Variants in ERICH1 observed in about 807,000 individuals in gnomAD.
ERICH1 encodes the protein glutamate rich 1, also known as glutamate-rich protein 1.
ERICH1 carries 56 observed loss-of-function variants against 39.6 expected under a neutral mutation model. That is an observed-to-expected ratio of 1.41 (90% CI 1.14 to 1.77). The LOEUF is 1.77. ERICH1 is among the 40% of genes most tolerant of loss of function. The pLI is 0.00. For missense variants in ERICH1, 826 were observed against 575.4 expected (o/e 1.44, Z -4.45); for synonymous variants, 313 against 223.6 (o/e 1.40, Z -3.57).
chr8:629,983 C>T lies in ERICH1; in HGVS notation c.977-14699G>A, dbSNP rs540616923. Among the ~76,000 whole-genome samples the T allele has an allele frequency of 6.6e-5, 9 of 137,004 alleles. No homozygotes were observed. The South Asian group carries it at 2.2e-3, about 33-fold the overall frequency. 89.9% of individuals were successfully genotyped at this position (137,004 alleles called of 152,430 possible). A position where few individuals can be genotyped will look rare whatever the true frequency, so the allele number is the denominator to read the frequency against. On this transcript the variant is annotated intron_variant, in intron 3 of 3. Transcript: ENST00000522706. Reference sequence around the variant, plus strand: ...CCTGTGACCACCCACACAGAACTGACTCACACCCTCCTGTGAGCACCCACA... The same window carrying T: ...CCTGTGACCACCCACACAGAACTGATTCACACCCTCCTGTGAGCACCCACA...
intron 1 of ERICH1, among the ~76,000 whole-genome samples, chr8:727,378 T>G (rs1819015788): frequency 6.6e-6 from 1 of 152,118 alleles, no homozygotes; most frequent in Admixed American, 6.5e-5. Flanking sequence ...GCGTGTGAAG[T>G]TGGGGCAATC....
Position 689,213 on chromosome 8 carries a change from G to C in ERICH1, c.304+3265C>G, listed in dbSNP as rs577462228. ...CACGGCCTCCGCCTCCCCAGTTCAA[G>C]CGATTCTCAGGCCTCAGCGTCTCGA... On this transcript the variant is annotated intron_variant, in intron 3 of 5. Coordinates refer to ENST00000262109, the MANE Select transcript of ERICH1 (RefSeq NM_207332.3). Among the ~76,000 whole-genome samples the C allele has an allele frequency of 3.9e-5, 6 of 152,214 alleles. 1 individual carries two copies. The highest frequency in any genetic ancestry group is 8.8e-5 in the Non-Finnish European group (6 of 68,048).
chr8:659,901 A>G (rs62486244), downstream of ERICH1, among the ~76,000 whole-genome samples: 913 of 148,964 alleles, frequency 6.1e-3, 22 homozygotes, highest in Non-Finnish European at 8.8e-3. Context: ...GGGGGTGACC[A>G]TCGAGGCTTC....
At chr8:723,702 A>G (rs1023408499) in intron 1 of ERICH1, among the ~76,000 whole-genome samples, 41 of 152,202 alleles carry the variant, frequency 2.7e-4, no homozygotes, top group Non-Finnish European at 1.0e-4. Flanking sequence ...GGGTTATTGT[A>G]TTTTCTGGAA....
chr8:642,148 C>T (rs1450325236), intron 3 of ERICH1, among the ~76,000 whole-genome samples: 1 of 152,146 alleles, frequency 6.6e-6, no homozygotes, highest in Non-Finnish European at 1.5e-5. Context: ...TCTTCACAAG[C>T]TCTGCTTGGA....
At chr8:663,665 C>G (rs999084192), downstream of ERICH1, among the ~76,000 whole-genome samples, 1 of 152,110 alleles carries the variant, frequency 6.6e-6, no homozygotes, top group Non-Finnish European at 1.5e-5. Context: ...CCTAAAATGA[C>G]TAAAATGAGC....
intron 3 of ERICH1, among the ~76,000 whole-genome samples, chr8:689,960 G>A (rs927485418): frequency 2.0e-5 from 3 of 152,054 alleles, no homozygotes; most frequent in African/African-American, 7.3e-5. Flanking sequence ...ATGTGGCTGT[G>A]TAGCATTTTC....
chr8:625,337 G>A (rs536674808), intron 3 of ERICH1, among the ~76,000 whole-genome samples: 59 of 152,294 alleles, frequency 3.9e-4, no homozygotes, highest in African/African-American at 1.3e-3. Flanking sequence ...AATAAACCCT[G>A]AAACCACGAC....
intron 3 of ERICH1, among the ~76,000 whole-genome samples, chr8:643,215 C>A (rs1799218057): frequency 6.6e-6 from 1 of 152,222 alleles, no homozygotes; most frequent in Non-Finnish European, 1.5e-5. Flanking sequence ...GCATGCGATT[C>A]CTGCGAGTTC....
At chr8:660,522 C>T (rs1293922393), downstream of ERICH1, among the ~76,000 whole-genome samples, 3 of 152,242 alleles carry the variant, frequency 2.0e-5, no homozygotes, top group African/African-American at 4.8e-5. Context: ...ATTCTGCTGG[C>T]GGCCCGTGAG....
chr8:627,466 ACTC>A (rs1797657582), intron 3 of ERICH1, among the ~76,000 whole-genome samples: 1 of 151,940 alleles, frequency 6.6e-6, no homozygotes, highest in African/African-American at 2.4e-5. Flanking sequence ...TATATCGTTA[ACTC>A]CCAGCACAGC....
intron 2 of ERICH1, among the ~76,000 whole-genome samples, chr8:703,233 G>C (rs763647506): frequency 6.6e-6 from 1 of 152,194 alleles, no homozygotes; most frequent in African/African-American, 2.4e-5. Context: ...GTAAGATACA[G>C]ATGAAGGTGC....
rs56687918 is a variant in ERICH1 at position 634,168 on chromosome 8, C to CAA, written c.977-18886_977-18885dup. On this transcript the variant is annotated intron_variant, in intron 3 of 3. Transcript: ENST00000522706. ...GAATCTATAGAGAACTCCTAAAACT[C>CAA]AAAAAAAAAAAAAAAAAACAAACAA... 2.6e-3 allele frequency among the ~76,000 whole-genome samples: 235 copies of CAA among 91,958 alleles called. 2 individuals carry two copies. The highest frequency in any genetic ancestry group is 9.9e-3 in the South Asian group (29 of 2,932). The allele number at this position is 91,958 out of a possible 152,430, so 60.3% of individuals were successfully genotyped here. A position where few individuals can be genotyped will look rare whatever the true frequency, so the allele number is the denominator to read the frequency against.
chr8:641,476 C>T (rs1669712), intron 3 of ERICH1, among the ~76,000 whole-genome samples: 57,615 of 152,180 alleles, frequency 0.38, 11,101 homozygotes, highest in South Asian at 0.46. Context: ...ACAGCTTTAA[C>T]CCTGGCTGGC....
intron 3 of ERICH1, among the ~76,000 whole-genome samples, chr8:634,784 C>T (rs1214245190): frequency 6.6e-6 from 1 of 152,206 alleles, no homozygotes; most frequent in Non-Finnish European, 1.5e-5. Flanking sequence ...CACTTCCAAA[C>T]CCCGCTGAGC....
In ERICH1 at chr8:668,607, T is replaced by C. The variant is rs1257055059; in HGVS notation, c.1249A>G (p.Met417Val). 6.8e-6 allele frequency: 11 copies of C among 1,614,256 alleles called. No homozygotes were observed. Among genetic ancestry groups the C allele is most frequent in the Non-Finnish European group, 9.3e-6 (11 of 1,180,046 alleles). ...ATCGTACGGTACTTACCAGGAGGCA[T>C]CGTGCAATGTTCTGGGAACATTTCC... is the stretch of plus-strand genomic sequence containing the variant. ...ALEMFPEHCT[M>V]PPDHARVISA... is the part of the protein sequence containing the mutation. The change falls in exon 5 of 6, where the codon ATG becomes GTG. Residue 417 changes from methionine to valine, a missense_variant. Met to Val is a conservative substitution (Grantham distance 21). Coordinates refer to ENST00000262109, the MANE Select transcript of ERICH1 (RefSeq NM_207332.3).
At position 635,070 on chromosome 8, in the gene ERICH1, T is replaced by C. The variant is rs377102612; in HGVS notation, c.977-19786A>G. ...CCCAGGCTTTGGACACTCAGGGACG[T>C]GGACTCAAGGGGTTGCCGGAGCCAC... is the stretch of plus-strand genomic sequence containing the variant. On this transcript the variant is annotated intron_variant, in intron 3 of 3. Coordinates refer to the ERICH1 transcript ENST00000522706. 1.5e-4 allele frequency among the ~76,000 whole-genome samples: 23 copies of C among 151,286 alleles called. 1 individual carries two copies. The highest frequency in any genetic ancestry group is 5.6e-4 in the African/African-American group (23 of 41,254).
intron 2 of ERICH1, among the ~76,000 whole-genome samples, chr8:696,289 CT>C (rs1231999217): frequency 1.5e-4 from 12 of 81,028 alleles, no homozygotes; most frequent in Admixed American, 2.2e-4. Flanking sequence ...TCCTCTCACC[CT>C]TCACTCCTCT....
chr8:619,237 G>A (rs560735279), intron 3 of ERICH1, among the ~76,000 whole-genome samples: 1 of 152,280 alleles, frequency 6.6e-6, no homozygotes, highest in East Asian at 1.9e-4. Context: ...AAAGCCTTGA[G>A]AACAGAAAGG....
Sources: allele counts gnomAD v4.1 joint callset (sites outside exome capture counted in the v4.1 genomes callset), GRCh38; gene constraint gnomAD v4.1.1; transcripts MANE v1.5; gene names NCBI Gene and HGNC (gene_info 2026-07-23, HGNC 2026-07-21).